Variants in NTM observed in about 807,000 individuals in gnomAD.
NTM encodes neurotrimin.
In NTM, 13 loss-of-function variants were observed where a neutral mutation model predicts 42.1. That is an observed-to-expected ratio of 0.31 (90% CI 0.20 to 0.49). NTM has a LOEUF of 0.49. Ranked by LOEUF, NTM falls within the 20% of genes least tolerant of loss-of-function variation. NTM has a pLI of 0.99. For missense variants in NTM, 373 were observed against 452.8 expected (o/e 0.82, Z 1.60); for synonymous variants, 187 against 179.2 (o/e 1.04, Z -0.35).
intron 3 of NTM, among the ~76,000 whole-genome samples, chr11:132,193,188 G>A (rs2138298727): frequency 6.6e-6 from 1 of 152,106 alleles, no homozygotes; most frequent in African/African-American, 2.4e-5. Context: ...ACAACAGAAT[G>A]ACAACAGAAT....
Position 132,217,793 on chromosome 11 carries a change from T to A in NTM, c.526+5646T>A, listed in dbSNP as rs552970275. ...TTCTGGAGTTTTAAAAGGCACCAAA[T>A]TGATGGAGGCAAAGTGACACCCGGA... On this transcript the variant is annotated intron_variant, in intron 4 of 8. Coordinates refer to ENST00000683400, the MANE Select transcript of NTM (RefSeq NM_001352005.2). Among the ~76,000 whole-genome samples the A allele has an allele frequency of 2.0e-3, 292 of 147,972 alleles. 1 individual carries two copies. Among genetic ancestry groups the A allele is most frequent in the African/African-American group, 7.0e-3 (281 of 40,430 alleles).
At chr11:131,500,212 T>C (rs2136357354) in intron 1 of NTM, among the ~76,000 whole-genome samples, 1 of 152,318 alleles carries the variant, frequency 6.6e-6, no homozygotes, top group East Asian at 1.9e-4. Context: ...ACCCTCCAGC[T>C]GAGAAGTACG....
At chr11:131,551,311 C>G (rs981270740) in intron 1 of NTM, among the ~76,000 whole-genome samples, 11 of 151,454 alleles carry the variant, frequency 7.3e-5, no homozygotes, top group Non-Finnish European at 1.5e-5. Context: ...GAAAACTTCT[C>G]AGGTAGCCAA....
chr11:131,694,152 A>G (rs2075139561), intron 1 of NTM, among the ~76,000 whole-genome samples: 1 of 152,180 alleles, frequency 6.6e-6, no homozygotes, highest in African/African-American at 2.4e-5. Context: ...TGCTCACTAC[A>G]TCATATAGAG....
chr11:131,534,498 G>A (rs575836724), intron 1 of NTM: 23 of 152,234 alleles, frequency 1.5e-4, no homozygotes, highest in African/African-American at 4.6e-4. Flanking sequence ...CCTTACCAAC[G>A]ATCTCCTGGT....
chr11:131,529,021 G>A (rs372315478), intron 1 of NTM, among the ~76,000 whole-genome samples: 26 of 152,304 alleles, frequency 1.7e-4, no homozygotes, highest in African/African-American at 6.0e-4. Flanking sequence ...ATATTGCAAT[G>A]GGATTGAGTA....
At chr11:131,678,059 G>T in intron 1 of NTM, among the ~76,000 whole-genome samples, 1 of 152,240 alleles carries the variant, frequency 6.6e-6, no homozygotes, top group Non-Finnish European at 1.5e-5. Context: ...TTACTGACTT[G>T]ATGAAGTGAA....
chr11:132,159,659 GT>G (rs1174646027), intron 3 of NTM, among the ~76,000 whole-genome samples: 2 of 152,160 alleles, frequency 1.3e-5, no homozygotes, highest in African/African-American at 4.8e-5. Context: ...ATCACAGAAT[GT>G]TTGTCTGACC....
intron 1 of NTM, among the ~76,000 whole-genome samples, chr11:131,840,002 AT>A (rs1185591152): frequency 6.6e-6 from 1 of 152,228 alleles, no homozygotes; most frequent in Non-Finnish European, 1.5e-5. Flanking sequence ...TGGACTTGCC[AT>A]CAGCTGAGAC....
intron 1 of NTM, among the ~76,000 whole-genome samples, chr11:131,844,535 T>C (rs1445888613): frequency 1.3e-5 from 2 of 152,222 alleles, no homozygotes; most frequent in African/African-American, 4.8e-5. Context: ...TTGTATTAAA[T>C]AAAACTTATA....
At chr11:132,067,345 A>T (rs1436476611) in intron 2 of NTM, among the ~76,000 whole-genome samples, 1 of 152,180 alleles carries the variant, frequency 6.6e-6, no homozygotes, top group African/African-American at 2.4e-5. Flanking sequence ...CATTTTCCCC[A>T]TACCAACATA....
At chr11:131,637,509 T>G (rs1458371532) in intron 1 of NTM, among the ~76,000 whole-genome samples, 1 of 151,590 alleles carries the variant, frequency 6.6e-6, no homozygotes, top group Non-Finnish European at 1.5e-5. Context: ...TGTGCACTAC[T>G]TTTAACACGC....
At chr11:131,595,107 C>T (rs1365469658) in intron 1 of NTM, among the ~76,000 whole-genome samples, 1 of 152,158 alleles carries the variant, frequency 6.6e-6, no homozygotes, top group Non-Finnish European at 1.5e-5. Context: ...AGCTGTTTTG[C>T]CATTTGGGGA....
intron 4 of NTM, among the ~76,000 whole-genome samples, chr11:132,225,200 T>C (rs2085957887): frequency 6.6e-6 from 1 of 152,124 alleles, no homozygotes; most frequent in African/African-American, 2.4e-5. Flanking sequence ...GCAGATTGCA[T>C]GGTGAATTCA....
intron 1 of NTM, among the ~76,000 whole-genome samples, chr11:131,856,223 C>T (rs1321265002): frequency 6.6e-6 from 1 of 152,080 alleles, no homozygotes; most frequent in African/African-American, 2.4e-5. Flanking sequence ...CATCTCACTG[C>T]TACTGCAGAA....
chr11:132,126,001 G>A (rs2065775723), intron 2 of NTM, among the ~76,000 whole-genome samples: 1 of 151,932 alleles, frequency 6.6e-6, no homozygotes, highest in Non-Finnish European at 1.5e-5. Flanking sequence ...AGGAAGAAGC[G>A]CAGCCCAGCA....
intron 1 of NTM, among the ~76,000 whole-genome samples, chr11:131,777,726 G>A (rs1591773948): frequency 6.6e-6 from 1 of 152,024 alleles, no homozygotes; most frequent in African/African-American, 2.4e-5. Flanking sequence ...TTGCTATGAA[G>A]TTTCTGGTGA....
chr11:131,588,242 G>A (rs1046227161), intron 1 of NTM, among the ~76,000 whole-genome samples: 1 of 152,234 alleles, frequency 6.6e-6, no homozygotes, highest in African/African-American at 2.4e-5. Context: ...TGCCAAGCAG[G>A]CGTCTGCACA....
At chr11:131,627,951 T>C (rs957774305) in intron 1 of NTM, among the ~76,000 whole-genome samples, 1 of 152,068 alleles carries the variant, frequency 6.6e-6, no homozygotes, top group Non-Finnish European at 1.5e-5. Context: ...ACAAAGGAAA[T>C]AGAACTTCCA....
Sources: gnomAD v4.1 joint callset for allele counts (sites outside exome capture counted in the v4.1 genomes callset) on GRCh38, gnomAD v4.1.1 for gene constraint, MANE v1.5 for transcripts, NCBI Gene and HGNC (gene_info 2026-07-23, HGNC 2026-07-21) for gene names.